MYOM2: variants seen among roughly 807,000 people sequenced by gnomAD.
The protein encoded by MYOM2 is myomesin 2.
In MYOM2, 254 loss-of-function variants were observed where a neutral mutation model predicts 187.6. That is an observed-to-expected ratio of 1.35 (90% CI 1.22 to 1.50). The LOEUF (loss-of-function observed/expected upper bound fraction) is 1.50. Among genes scored for constraint, MYOM2 ranks in the 40% most tolerant of loss-of-function variants. The pLI is 0.00. For synonymous variants in MYOM2, 981 were observed against 753.8 expected (o/e 1.30, Z -4.94); for missense variants, 2,796 against 1,924.0 (o/e 1.45, Z -8.48).
At chr8:2,130,379 T>C (rs1174755762) in intron 32 of MYOM2, among the ~76,000 whole-genome samples, 1 of 122,066 alleles carries the variant, frequency 8.2e-6, no homozygotes, top group Admixed American at 8.7e-5. Context: ...CACTACGCTA[T>C]ACCCAGGGTG....
In MYOM2 at chr8:2,108,668, G is replaced by A. The variant is rs147679811; in HGVS notation, c.2999-118G>A. 1.4e-3 allele frequency: 1,372 copies of A among 951,118 alleles called. 3 individuals are homozygous for A. The highest frequency in any genetic ancestry group is 7.9e-4 in the Non-Finnish European group (472 of 598,308). The allele number at this position is 951,118 out of a possible 1,614,324, so 58.9% of individuals were successfully genotyped here. A position where few individuals can be genotyped will look rare whatever the true frequency, so the allele number is the denominator to read the frequency against. On this transcript the variant is annotated intron_variant, in intron 23 of 36. Transcript: ENST00000262113. ...CAGACTTGTAGTTTAAATTCCTTTC[G>A]TGTCCTCCAATTAAATCCTGGGGGT...
rs1180188737 is a variant in MYOM2, at chr8:2,092,408, C to T, written c.1891C>T (p.Gln631Ter). ...SRNTKTSVVVQWDRPKHEEDL... is the reference protein window; with the variant it reads ...SRNTKTSVVV ...AAACACCAAGACGTCGGTGGTGGTG[C>T]AGTGGGACCGACCTAAGCATGAGGA... is the stretch of plus-strand genomic sequence containing the variant. Residue 631 changes from glutamine (Q) to a stop codon, truncating the protein, a stop_gained, in exon 16 of 37, where the codon CAG becomes TAG. Coordinates refer to ENST00000262113, the MANE Select transcript of MYOM2 (RefSeq NM_003970.4). LOFTEE classifies it high-confidence loss of function. 6.2e-7 allele frequency: 1 copy of T among 1,614,042 alleles called. No individual in the cohort carries two copies.
intron 32 of MYOM2, among the ~76,000 whole-genome samples, chr8:2,138,614 C>G (rs1023165559): frequency 6.6e-6 from 1 of 152,252 alleles, no homozygotes; most frequent in Non-Finnish European, 1.5e-5. Flanking sequence ...AACCAAAGTG[C>G]TCACACTGCC....
intron 13 of MYOM2, chr8:2,081,641 C>G (rs1819632524): frequency 6.4e-6 from 1 of 157,454 alleles, no homozygotes; most frequent in Non-Finnish European, 1.4e-5. Context: ...GAGAAGAGCA[C>G]TGGGGAAGGG....
At chr8:2,064,006 G>A (rs1291880736) in intron 6 of MYOM2, among the ~76,000 whole-genome samples, 1 of 152,232 alleles carries the variant, frequency 6.6e-6, no homozygotes, top group Non-Finnish European at 1.5e-5. Context: ...CTGAGTGCCT[G>A]TGTGGGGCCT....
intron 3 of MYOM2, among the ~76,000 whole-genome samples, chr8:2,056,714 C>G (rs2129329047): frequency 6.6e-6 from 1 of 152,262 alleles, no homozygotes; most frequent in East Asian, 1.9e-4. Context: ...GAGGAAAACT[C>G]ACACATGGGG....
chr8:2,098,102 C>A (rs1796557011), intron 18 of MYOM2: 1 of 152,262 alleles, frequency 6.6e-6, no homozygotes, highest in South Asian at 2.1e-4. Flanking sequence ...GTCCGAGATT[C>A]CTGAGAAAAG....
At position 2,051,409 on chromosome 8, in the gene MYOM2, C is replaced by G. The variant is rs566918767; in HGVS notation, c.107+536C>G. ...CTCATACAGGATGGCAGCTCACGCC[C>G]CCATGGACACTGTTTGTGTAGCAGC... On this transcript the variant is annotated intron_variant, in intron 2 of 36. Transcript: ENST00000262113. 3.3e-5 allele frequency among the ~76,000 whole-genome samples: 5 copies of G among 152,192 alleles called. No homozygotes were observed. The East Asian group carries it at 9.7e-4, about 30-fold the overall frequency.
In MYOM2 at chr8:2,048,915, G is replaced by A. The variant is rs1354472952; in HGVS notation, c.-12-1840G>A. ...CGCCATTCTCCTGCCTCAGCCTCCC[G>A]AGTAGCTGGGACTACAGGGGACCCC... On this transcript the variant is annotated intron_variant, in intron 1 of 36. Coordinates refer to ENST00000262113, the MANE Select transcript of MYOM2 (RefSeq NM_003970.4). Among the ~76,000 whole-genome samples, 16 of 151,412 alleles carry A rather than the reference G, an allele frequency of 1.1e-4. No individual in the cohort carries two copies. The East Asian group carries it at 2.1e-3, about 20-fold the overall frequency.
chr8:2,061,425 C>G (rs537923528), intron 6 of MYOM2, among the ~76,000 whole-genome samples: 1 of 152,254 alleles, frequency 6.6e-6, no homozygotes, highest in East Asian at 1.9e-4. Flanking sequence ...TGGCTCCTGC[C>G]CTGTGCCCTC....
intron 13 of MYOM2, among the ~76,000 whole-genome samples, chr8:2,079,888 G>A (rs950431896): frequency 1.3e-5 from 2 of 152,190 alleles, no homozygotes; most frequent in Non-Finnish European, 2.9e-5. Flanking sequence ...TTCTTTCAGG[G>A]ACTTGTAGAG....
intron 31 of MYOM2, among the ~76,000 whole-genome samples, chr8:2,128,177 A>C (rs1010254524): frequency 6.6e-6 from 1 of 152,230 alleles, no homozygotes; most frequent in South Asian, 2.1e-4. Flanking sequence ...TAATTGTACA[A>C]TGCACACCTT....
At chr8:2,113,127 C>T (rs867857421) in intron 25 of MYOM2, among the ~76,000 whole-genome samples, 9 of 152,300 alleles carry the variant, frequency 5.9e-5, no homozygotes, top group Middle Eastern at 6.8e-3. Flanking sequence ...ACGCTGGGCA[C>T]GAGGAAGCCG....
intron 17 of MYOM2, among the ~76,000 whole-genome samples, chr8:2,095,544 G>A (rs117956781): frequency 6.6e-6 from 1 of 151,964 alleles, no homozygotes; most frequent in African/African-American, 2.4e-5. Context: ...CTCCTGCCTC[G>A]GTCTCCCAAA....
chr8:2,110,592 G>T (rs1171916266), intron 25 of MYOM2, among the ~76,000 whole-genome samples: 1 of 152,084 alleles, frequency 6.6e-6, no homozygotes, highest in African/African-American at 2.4e-5. Flanking sequence ...CATCTTTACT[G>T]CTTCTGCCTT....
intron 5 of MYOM2, among the ~76,000 whole-genome samples, chr8:2,058,347 G>T (rs753212455): frequency 6.6e-6 from 1 of 152,070 alleles, no homozygotes; most frequent in South Asian, 2.1e-4. Context: ...TCACTACCCT[G>T]AAATGATCAT....
At chr8:2,140,623 C>T in intron 32 of MYOM2, 100 bp from the exon 33 acceptor site, 17 of 1,223,696 alleles carry the variant, frequency 1.4e-5, no homozygotes, top group Non-Finnish European at 1.9e-5. Flanking sequence ...GCATCAGCAG[C>T]TTAGAGAAGG....
rs755039656 is a variant in MYOM2, at chr8:2,076,208, G to C, written c.1188G>C (p.Arg396=). Residue 396 remains arginine (R), a synonymous_variant, in exon 11 of 37, where the codon CGG becomes CGC. Transcript: ENST00000262113. ...ACTTGCAGTGCCACGACGCCAACCG[G>C]GACTACGTCATCGTGACCTGGAAGC... ...PMDLQCHDAN[R]DYVIVTWKPP... The C allele has an allele frequency of 7.4e-6, 12 of 1,613,472 alleles. No individual in the cohort carries two copies. Among genetic ancestry groups the C allele is most frequent in the Non-Finnish European group, 9.3e-6 (11 of 1,179,914 alleles).
intron 17 of MYOM2, 88 bp from the exon 18 acceptor site, chr8:2,096,159 C>G: frequency 5.2e-6 from 7 of 1,344,926 alleles, no homozygotes; most frequent in Non-Finnish European, 7.2e-6. Flanking sequence ...TTGCTTCCTC[C>G]TCCCTCTGCC....
Sources: gnomAD v4.1 joint callset for allele counts (sites outside exome capture counted in the v4.1 genomes callset) on GRCh38, gnomAD v4.1.1 for gene constraint, MANE v1.5 for transcripts, NCBI Gene and HGNC (gene_info 2026-07-23, HGNC 2026-07-21) for gene names.